Variants in UCKL1 observed in about 807,000 individuals in gnomAD.
UCKL1 encodes the protein uridine-cytidine kinase-like 1.
Under a neutral mutation model 59.2 loss-of-function variants are expected in UCKL1, and 65 were observed. The ratio of observed to expected loss-of-function variants is 1.10; its 90% CI spans 0.90 to 1.35. The LOEUF is 1.35. Ranked by LOEUF, UCKL1 falls within the 40% of genes most tolerant of loss-of-function variation. UCKL1 has a pLI of 0.00. For missense variants in UCKL1, 703 were observed against 784.3 expected, an observed-to-expected ratio of 0.90 and a Z score of 1.24; for synonymous variants, 410 against 323.1, an observed-to-expected ratio of 1.27 and a Z score of -2.88.
In UCKL1 at chr20:63,946,530, T is replaced by C; in HGVS notation, c.227A>G (p.Lys76Arg). The C allele has an allele frequency of 6.2e-7, 1 of 1,607,040 alleles. No individual in the cohort carries two copies. Among genetic ancestry groups the C allele is most frequent in the Non-Finnish European group, 8.5e-7 (1 of 1,177,258 alleles). Residue 76 changes from lysine to arginine, a missense_variant, in exon 2 of 15, where the codon AAG (lysine) becomes AGG (arginine). Lys to Arg is a conservative substitution (Grantham distance 26). Transcript: ENST00000354216. The stretch of plus-strand genomic sequence containing the variant: ...CCGCCCGGCGGTGTAGATGGTACGC[T>C]TGCTTGTACGCAGCAGGGGAGGCTC... ...KSEPPLLRTSKRTIYTAGRPP... is the reference protein window; with the variant it reads ...KSEPPLLRTSRRTIYTAGRPP...
chr20:63,948,676 G>GGGC (rs2057041152), intron 1 of UCKL1, among the ~76,000 whole-genome samples: 2 of 133,528 alleles, frequency 1.5e-5, no homozygotes, highest in African/African-American at 2.8e-5. Flanking sequence ...AGAGGGAGGG[G>GGGC]GTGTGTGTGA....
chr20:63,943,703 G>A (rs1213356704), intron 7 of UCKL1, 34 bp from the exon 8 acceptor site: 8 of 1,612,158 alleles, frequency 5.0e-6, no homozygotes, highest in East Asian at 2.2e-5. Flanking sequence ...ACAAGGGAAC[G>A]GTGGCGCGTC....
intron 7 of UCKL1, 68 bp downstream of exon 7, chr20:63,944,329 G>T: frequency 7.0e-7 from 1 of 1,427,834 alleles, no homozygotes; most frequent in Non-Finnish European, 9.5e-7. Flanking sequence ...GCCACTGGGG[G>T]TGGTGGCAGC....
At chr20:63,946,756 G>C (rs1450204770) in intron 1 of UCKL1, 113 bp from the exon 2 acceptor site, 12 of 1,151,876 alleles carry the variant, frequency 1.0e-5, no homozygotes, top group East Asian at 5.0e-5. Flanking sequence ...GCATGGCTGA[G>C]GCGGGCAGGC....
At position 63,941,193 on chromosome 20, in the gene UCKL1, C is replaced by CGA. The variant is rs750066582; in HGVS notation, c.937_938dup (p.Ala314ArgfsTer12). ...GGGGCAGCGGGTGGCACTGGTGTGC[C>CGA]GAGGCCAGCGCAGCCCTGGGGACAA... On this transcript the variant is annotated frameshift_variant, in exon 9 of 15. Transcript: ENST00000354216. LOFTEE classifies it high-confidence loss of function. 9.0e-6 allele frequency: 14 copies of CGA among 1,547,216 alleles called. No individual in the cohort carries two copies. Among genetic ancestry groups the CGA allele is most frequent in the Non-Finnish European group, 1.1e-5 (13 of 1,153,770 alleles).
chr20:63,951,205 T>A, intron 1 of UCKL1: 1 of 1,006,442 alleles, frequency 9.9e-7, no homozygotes, highest in Middle Eastern at 4.9e-4. Context: ...GGCTTGTGTA[T>A]GCCTGATATT....
intron 8 of UCKL1, chr20:63,942,726 T>G: frequency 2.0e-6 from 1 of 490,008 alleles, no homozygotes. Context: ...CAACACTTCC[T>G]TGGCTGACCA....
intron 8 of UCKL1, 100 bp from the exon 9 acceptor site, chr20:63,941,308 G>A: frequency 6.9e-7 from 1 of 1,448,250 alleles, no homozygotes; most frequent in Non-Finnish European, 9.2e-7. Context: ...GGAACACACG[G>A]GCCAGGCACA....
At chr20:63,950,810 G>T in intron 1 of UCKL1, 1 of 1,539,172 alleles carries the variant, frequency 6.5e-7, no homozygotes. Context: ...GCCAGGGTAA[G>T]CTGGGGGGCT....
intron 1 of UCKL1, chr20:63,950,646 C>T: frequency 8.0e-7 from 1 of 1,247,592 alleles, no homozygotes; most frequent in Non-Finnish European, 1.0e-6. Context: ...GAGCACCTGC[C>T]AGCCTGTTTG....
chr20:63,948,028 G>C (rs965248358), intron 1 of UCKL1, among the ~76,000 whole-genome samples: 1 of 152,244 alleles, frequency 6.6e-6, no homozygotes, highest in Non-Finnish European at 1.5e-5. Context: ...CGCCTGCCCA[G>C]TCTGTTCTGA....
chr20:63,951,063 A>G (rs1221834302), intron 1 of UCKL1: 6 of 1,212,792 alleles, frequency 4.9e-6, no homozygotes, highest in Non-Finnish European at 6.2e-6. Flanking sequence ...GGCTGGCAGA[A>G]GCTGCCTGCC....
chr20:63,943,881 TG>T (rs538395230), intron 7 of UCKL1, among the ~76,000 whole-genome samples: 103 of 152,320 alleles, frequency 6.8e-4, no homozygotes, highest in African/African-American at 1.7e-3. Flanking sequence ...GCCAGGACCC[TG>T]GGCTCTGTTC....
intron 1 of UCKL1, among the ~76,000 whole-genome samples, chr20:63,950,456 G>T (rs1296913782): frequency 2.6e-5 from 4 of 152,158 alleles, no homozygotes; most frequent in Non-Finnish European, 5.9e-5. Flanking sequence ...AGAGGAGAAA[G>T]TTGCACAGCA....
At chr20:63,952,245 T>C (rs2057755396) in intron 1 of UCKL1, among the ~76,000 whole-genome samples, 1 of 152,136 alleles carries the variant, frequency 6.6e-6, no homozygotes, top group Non-Finnish European at 1.5e-5. Context: ...GGCTGGGCTG[T>C]CTGAACAGCA....
At chr20:63,941,233 C>T (rs751709722) in intron 8 of UCKL1, 25 bp from the exon 9 acceptor site, 1 of 1,480,280 alleles carries the variant, frequency 6.8e-7, no homozygotes, top group Non-Finnish European at 9.0e-7. Flanking sequence ...ATGGGGAACA[C>T]TCAAGAAGGG....
chr20:63,948,568 AGAGGGAGGGGATGTGTGTGAGAGGGAG>A (rs1569120590), intron 1 of UCKL1: 1 of 49,474 alleles, frequency 2.0e-5, no homozygotes, highest in Non-Finnish European at 3.9e-5. Context: ...GGCGTGTGTG[AGAGGGAGGGGATGTGTGTGAGAGGGAG>A]GGGGCGTGTG....
rs748360302 is a variant in UCKL1 at position 63,940,848 on chromosome 20, G to A, written c.1125C>T (p.Val375=). 1.4e-5 allele frequency: 21 copies of A among 1,548,250 alleles called. No individual in the cohort carries two copies. Among genetic ancestry groups the A allele is most frequent in the East Asian group, 2.3e-5 (1 of 44,306 alleles). ...AGTCCTGCCCCTGCGGGGTCTGTAC[G>A]ACGCAGTCCTGTGGGGTGCAGGGTG... The part of the protein sequence containing the change: ...ALSFLPFQDC[V]VQTPQGQDYA... Residue 375 remains valine, a synonymous_variant, in exon 11 of 15, where the codon GTC becomes GTT. Coordinates refer to ENST00000354216, the MANE Select transcript of UCKL1 (RefSeq NM_017859.4).
At chr20:63,945,596 CAG>C (rs2055954223) in intron 5 of UCKL1, 53 bp downstream of exon 5, 13 of 1,584,634 alleles carry the variant, frequency 8.2e-6, no homozygotes, top group South Asian at 1.1e-5. Context: ...ACCTCATGGA[CAG>C]GGCGGCCAGG....
Sources: allele counts gnomAD v4.1 joint callset (sites outside exome capture counted in the v4.1 genomes callset), GRCh38; gene constraint gnomAD v4.1.1; transcripts MANE v1.5; gene names NCBI Gene and HGNC (gene_info 2026-07-23, HGNC 2026-07-21).